The following LARP1B variants were observed in gnomAD, a reference collection of about 807,000 sequenced individuals.
LARP1B encodes la-related protein 1B.
Under a neutral mutation model 114.2 loss-of-function variants are expected in LARP1B, and 76 were observed. The observed-to-expected ratio is 0.67, with a 90% CI of 0.55 to 0.81. LARP1B has a LOEUF of 0.81. LARP1B is among the 30% of genes least tolerant of loss of function. The pLI is 0.00. For synonymous variants in LARP1B, 345 were observed against 348.0 expected, an observed-to-expected ratio of 0.99 and a Z score of 0.10; for missense variants, 1,014 against 1,075.8, an observed-to-expected ratio of 0.94 and a Z score of 0.80.
At chr4:128,222,707 G>T, downstream of LARP1B, 1 of 220,258 alleles carries the variant, frequency 4.5e-6, no homozygotes, top group Non-Finnish European at 9.2e-6. Context: ...TCCTCTACTT[G>T]TGTTAAGACC....
intron 5 of LARP1B, among the ~76,000 whole-genome samples, chr4:128,090,317 C>T (rs1162920567): frequency 1.3e-5 from 2 of 152,172 alleles, no homozygotes; most frequent in African/African-American, 2.4e-5. Flanking sequence ...AGTTGATCCG[C>T]CCCCCTTGGC....
chr4:128,147,684 TA>T (rs1225138888), intron 11 of LARP1B, among the ~76,000 whole-genome samples: 1 of 152,136 alleles, frequency 6.6e-6, no homozygotes, highest in Non-Finnish European at 1.5e-5. Context: ...AATTCAAAAT[TA>T]AAAACTTATA....
chr4:128,103,846 G>A (rs1415106309), intron 8 of LARP1B, among the ~76,000 whole-genome samples: 1 of 152,012 alleles, frequency 6.6e-6, no homozygotes, highest in East Asian at 1.9e-4. Flanking sequence ...ACAGGTGTGA[G>A]CCACCATGCC....
intron 11 of LARP1B, among the ~76,000 whole-genome samples, chr4:128,138,617 T>C (rs1049723916): frequency 2.6e-5 from 4 of 152,048 alleles, no homozygotes; most frequent in African/African-American, 9.7e-5. Context: ...CATAAGAAAT[T>C]AGAATTCATG....
At chr4:128,082,804 C>CTT (rs33973592) in intron 5 of LARP1B, among the ~76,000 whole-genome samples, 2 of 141,366 alleles carry the variant, frequency 1.4e-5, no homozygotes, top group African/African-American at 5.2e-5. Flanking sequence ...TCATTTTCTT[C>CTT]TTTTTTTTTT....
intron 11 of LARP1B, among the ~76,000 whole-genome samples, chr4:128,127,804 A>G (rs1790141365): frequency 6.6e-6 from 1 of 152,230 alleles, no homozygotes; most frequent in Non-Finnish European, 1.5e-5. Context: ...ATTGCAATCC[A>G]TCCTGGGCAA....
chr4:128,186,477 A>G (rs1293384712), intron 15 of LARP1B, among the ~76,000 whole-genome samples: 7 of 151,904 alleles, frequency 4.6e-5, no homozygotes, highest in Non-Finnish European at 8.8e-5. Context: ...TATAAATGCT[A>G]CTGTTTTTTT....
intron 18 of LARP1B, 24 bp from the exon 19 acceptor site, chr4:128,207,232 A>C (rs1204891421): frequency 8.9e-7 from 1 of 1,117,858 alleles, no homozygotes; most frequent in Non-Finnish European, 1.2e-6. Flanking sequence ...ATAATTCATA[A>C]TGTATATTAT....
chr4:128,094,010 CT>C (rs976109697), intron 7 of LARP1B, among the ~76,000 whole-genome samples: 29 of 146,714 alleles, frequency 2.0e-4, no homozygotes, highest in Non-Finnish European at 2.3e-4. Context: ...CGTGCCTGAC[CT>C]TTTTTTTTTT....
intron 11 of LARP1B, among the ~76,000 whole-genome samples, chr4:128,128,025 T>C (rs1020946190): frequency 6.6e-6 from 1 of 152,190 alleles, no homozygotes; most frequent in African/African-American, 2.4e-5. Context: ...CCATTCAGTA[T>C]GGAAAGAATA....
At chr4:128,061,904 C>CT in intron 1 of LARP1B, 2 of 985,208 alleles carry the variant, frequency 2.0e-6, no homozygotes, top group Non-Finnish European at 2.4e-6. Context: ...GGCGCTGGTG[C>CT]TGGGACGCAG....
chr4:128,125,663 T>C (rs1031203997), intron 11 of LARP1B, among the ~76,000 whole-genome samples: 31 of 152,348 alleles, frequency 2.0e-4, no homozygotes, highest in African/African-American at 7.0e-4. Context: ...GGAGAATCAC[T>C]TGAACCCGGG....
At chr4:128,206,784 A>G (rs1048183123) in intron 18 of LARP1B, 1 of 985,384 alleles carries the variant, frequency 1.0e-6, no homozygotes, top group African/African-American at 1.7e-5. Flanking sequence ...TATCCCTTTG[A>G]CAAACGTGGC....
Position 128,165,307 on chromosome 4 carries a change from A to G in LARP1B, c.1648+2990A>G, listed in dbSNP as rs533989664. ...TATTAATTTTTATTTGTGTGCTATAATGTCTAGTTTTTAAATATATGAACA... is the reference window on the plus strand; with the variant it reads ...TATTAATTTTTATTTGTGTGCTATAGTGTCTAGTTTTTAAATATATGAACA... On this transcript the variant is annotated intron_variant, in intron 12 of 19. Coordinates refer to ENST00000326639, the MANE Select transcript of LARP1B (RefSeq NM_018078.4). Among the ~76,000 whole-genome samples the G allele has an allele frequency of 7.9e-5, 12 of 151,722 alleles. No homozygotes were observed. In the East Asian group the frequency reaches 1.3e-3, roughly 17 times the overall value.
In LARP1B at chr4:128,211,203, T is replaced by C; in HGVS notation, c.*1150T>C. 1.1e-6 allele frequency: 1 copy of C among 936,356 alleles called. No individual in the cohort carries two copies. Among genetic ancestry groups the C allele is most frequent in the Non-Finnish European group, 1.3e-6 (1 of 785,206 alleles). The allele number at this position is 936,356 out of a possible 1,614,324, so 58.0% of individuals were successfully genotyped here. A position where few individuals can be genotyped will look rare whatever the true frequency, so the allele number is the denominator to read the frequency against. The stretch of plus-strand genomic sequence containing the variant: ...GAAAAGCTGTAATATTCAGTTTTGC[T>C]AGTAAAAGACCATTTTTTTGTGTGA... On this transcript the variant is annotated 3_prime_UTR_variant, in exon 20 of 20. Coordinates refer to ENST00000326639, the MANE Select transcript of LARP1B (RefSeq NM_018078.4).
At chr4:128,150,076 G>A (rs1347221668) in intron 11 of LARP1B, among the ~76,000 whole-genome samples, 2 of 152,092 alleles carry the variant, frequency 1.3e-5, no homozygotes, top group African/African-American at 2.4e-5. Flanking sequence ...ACTTGAACCC[G>A]GGAGGCGGAG....
At chr4:128,061,949 G>GC in intron 1 of LARP1B, 1 of 985,206 alleles carries the variant, frequency 1.0e-6, no homozygotes, top group Non-Finnish European at 1.2e-6. Flanking sequence ...GAGGCCCCTG[G>GC]CGCTGCACCT....
chr4:128,091,630 T>C (rs1775947293), intron 7 of LARP1B, 118 bp downstream of exon 7: 1 of 721,892 alleles, frequency 1.4e-6, no homozygotes, highest in Non-Finnish European at 2.2e-6. Context: ...AGAGTCTCAC[T>C]CTGTTGCCCA....
At chr4:128,185,013 C>A (rs1463321937) in intron 15 of LARP1B, among the ~76,000 whole-genome samples, 1 of 151,986 alleles carries the variant, frequency 6.6e-6, no homozygotes, top group Non-Finnish European at 1.5e-5. Context: ...TACATATATA[C>A]ACATATACAT....
Sources: allele counts gnomAD v4.1 joint callset (sites outside exome capture counted in the v4.1 genomes callset), GRCh38; gene constraint gnomAD v4.1.1; transcripts MANE v1.5; gene names NCBI Gene and HGNC (gene_info 2026-07-23, HGNC 2026-07-21).